ERCC6L2: variants seen among roughly 807,000 people sequenced by gnomAD.
ERCC6L2 encodes the protein DNA excision repair protein ERCC-6-like 2.
In ERCC6L2, 77 loss-of-function variants were observed where a neutral mutation model predicts 132.0. That is an observed-to-expected ratio of 0.58 (90% CI 0.49 to 0.71). ERCC6L2 has a LOEUF of 0.71. ERCC6L2 is among the 30% of genes least tolerant of loss of function. The pLI, the probability that ERCC6L2 is intolerant of heterozygous loss-of-function variation, is 0.00. For missense variants in ERCC6L2, 1,542 were observed against 1,837.6 expected, an observed-to-expected ratio of 0.84 and a Z score of 2.94; for synonymous variants, 583 against 632.4, an observed-to-expected ratio of 0.92 and a Z score of 1.17.
chr9:95,941,653 G>A (rs1830808095), intron 12 of ERCC6L2, 104 bp downstream of exon 12: 1 of 789,108 alleles, frequency 1.3e-6, no homozygotes, highest in Non-Finnish European at 2.1e-6. Flanking sequence ...TAGAAGAAAG[G>A]GGGAAACTGG....
intron 19 of ERCC6L2, among the ~76,000 whole-genome samples, chr9:96,028,136 G>T (rs1834407466): frequency 6.6e-6 from 1 of 152,088 alleles, no homozygotes; most frequent in East Asian, 1.9e-4. Flanking sequence ...CTTCCTGAAG[G>T]GTCACACACT....
chr9:95,891,081 G>A (rs1159810736), intron 2 of ERCC6L2, among the ~76,000 whole-genome samples: 2 of 152,096 alleles, frequency 1.3e-5, no homozygotes, highest in Non-Finnish European at 2.9e-5. Context: ...GCATGGTGGC[G>A]CATGCCTGTA....
In ERCC6L2 at chr9:95,972,277, T is replaced by C. The variant is rs1205326431; in HGVS notation, c.2526T>C (p.Ser842=). Reference sequence around the variant, plus strand: ...CTGGTTGTGAGAAAAATCAGGACTCTCTTGGTACTTCAAAACATCAGAAAT... The same window carrying C: ...CTGGTTGTGAGAAAAATCAGGACTCCCTTGGTACTTCAAAACATCAGAAAT... ...KDAGCEKNQD[S]LGTSKHQKLD... is the part of the protein sequence containing the mutation. The change falls in exon 16 of 19, where the codon TCT becomes TCC. Residue 842 remains serine (S), a synonymous_variant. Coordinates refer to ENST00000653738, the MANE Select transcript of ERCC6L2 (RefSeq NM_020207.7). 7.7e-7 allele frequency: 1 copy of C among 1,301,340 alleles called. No homozygotes were observed. The highest frequency in any genetic ancestry group is 1.2e-5 in the South Asian group (1 of 80,156). The allele number at this position is 1,301,340 out of a possible 1,614,324, so 80.6% of individuals were successfully genotyped here. A position where few individuals can be genotyped will look rare whatever the true frequency, so the allele number is the denominator to read the frequency against.
chr9:96,014,779 T>C lies in ERCC6L2; in HGVS notation c.*1576T>C, dbSNP rs1242141034. Among the ~76,000 whole-genome samples, 10 of 152,172 alleles carry C rather than the reference T, an allele frequency of 6.6e-5. No individual in the cohort carries two copies. Among genetic ancestry groups the C allele is most frequent in the Non-Finnish European group, 1.5e-4 (10 of 68,036 alleles). ...CTGAGTTGTGTCCAGACTTACCAGA[T>C]GGTATGTTTTGCCATTGAGGGGCCT... On this transcript the variant is annotated 3_prime_UTR_variant, in exon 19 of 19. Coordinates refer to ENST00000653738, the MANE Select transcript of ERCC6L2 (RefSeq NM_020207.7).
chr9:96,022,638 G>C (rs938083263), downstream of ERCC6L2, among the ~76,000 whole-genome samples: 5 of 152,188 alleles, frequency 3.3e-5, no homozygotes, highest in African/African-American at 7.2e-5. Context: ...AGCCGGGTCC[G>C]GGCCAGACGG....
chr9:95,935,055 A>G (rs1830496949), intron 11 of ERCC6L2, among the ~76,000 whole-genome samples: 1 of 152,332 alleles, frequency 6.6e-6, no homozygotes, highest in African/African-American at 2.4e-5. Context: ...AACTACTAAT[A>G]TCTTCATGGA....
At chr9:95,928,191 A>G (rs754690655) in intron 10 of ERCC6L2, 41 bp downstream of exon 10, 2 of 1,410,890 alleles carry the variant, frequency 1.4e-6, no homozygotes, top group African/African-American at 1.4e-5. Flanking sequence ...GCCAGCCTCA[A>G]CTTTTGAGGC....
chr9:95,919,350 TAAA>T (rs796365864), intron 6 of ERCC6L2, among the ~76,000 whole-genome samples: 1 of 152,168 alleles, frequency 6.6e-6, no homozygotes, highest in African/African-American at 2.4e-5. Context: ...ATTTTACAAA[TAAA>T]AAAATGTCAC....
At chr9:95,890,355 A>G (rs1828092215) in intron 2 of ERCC6L2, among the ~76,000 whole-genome samples, 1 of 152,194 alleles carries the variant, frequency 6.6e-6, no homozygotes, top group Non-Finnish European at 1.5e-5. Flanking sequence ...TGTTAATTAG[A>G]TATTCTTGCC....
chr9:95,878,649 TC>T (rs1256989833), intron 1 of ERCC6L2, among the ~76,000 whole-genome samples: 1 of 131,556 alleles, frequency 7.6e-6, no homozygotes, highest in African/African-American at 2.9e-5. Flanking sequence ...AAGCTATCCC[TC>T]CCCCCTTCCC....
intron 2 of ERCC6L2, among the ~76,000 whole-genome samples, chr9:95,886,740 A>G (rs1481777381): frequency 6.6e-6 from 1 of 152,222 alleles, no homozygotes; most frequent in Non-Finnish European, 1.5e-5. Context: ...AAGGATACAA[A>G]GTATTGATCT....
Position 95,875,865 on chromosome 9 carries a change from C to T in ERCC6L2, c.-174C>T, listed in dbSNP as rs1587823481. The stretch of plus-strand genomic sequence containing the variant: ...CTGCTTGGGTCCCCTTAGTCGCTAC[C>T]TTTGCTGGGATCCCCCTCCTCCATC... On this transcript the variant is annotated 5_prime_UTR_variant, in exon 1 of 19. Coordinates refer to ENST00000653738, the MANE Select transcript of ERCC6L2 (RefSeq NM_020207.7). 7.6e-6 allele frequency: 5 copies of T among 655,506 alleles called. No individual in the cohort carries two copies. Among genetic ancestry groups the T allele is most frequent in the Admixed American group, 2.7e-5 (1 of 36,592 alleles). 40.6% of individuals were successfully genotyped at this position (655,506 alleles called of 1,614,324 possible).
intron 18 of ERCC6L2, among the ~76,000 whole-genome samples, chr9:96,008,088 T>C (rs1833918755): frequency 6.6e-6 from 1 of 152,128 alleles, no homozygotes; most frequent in Non-Finnish European, 1.5e-5. Context: ...GCAACAAGGA[T>C]TTTTGCAGAG....
At position 96,017,503 on chromosome 9, in the gene ERCC6L2, G is replaced by A. The variant is rs1306815747; in HGVS notation, c.*4300G>A. On this transcript the variant is annotated 3_prime_UTR_variant, in exon 19 of 19. Transcript: ENST00000653738. ...GGCTTTTAAGCATGCACATGTCCAGGGTCCTCATCAAGAGACTGAATCAGG... is the reference window on the plus strand; with the variant it reads ...GGCTTTTAAGCATGCACATGTCCAGAGTCCTCATCAAGAGACTGAATCAGG... Among the ~76,000 whole-genome samples the A allele has an allele frequency of 6.6e-6, 1 of 152,158 alleles. No homozygotes were observed. Among genetic ancestry groups the A allele is most frequent in the Non-Finnish European group, 1.5e-5 (1 of 68,028 alleles).
chr9:95,932,826 C>A (rs1830397659), intron 11 of ERCC6L2, among the ~76,000 whole-genome samples: 1 of 152,178 alleles, frequency 6.6e-6, no homozygotes, highest in South Asian at 2.1e-4. Flanking sequence ...AGCCTGCATA[C>A]TCATTAAGTG....
At chr9:95,896,982 G>T (rs1224608825) in intron 2 of ERCC6L2, among the ~76,000 whole-genome samples, 1 of 151,802 alleles carries the variant, frequency 6.6e-6, no homozygotes, top group Non-Finnish European at 1.5e-5. Flanking sequence ...CAGATTATAG[G>T]TATCCACACC....
chr9:95,923,370 A>G lies in ERCC6L2; in HGVS notation c.1524A>G (p.Gly508=), dbSNP rs768560795. 2 of 1,612,938 alleles carry G rather than the reference A, an allele frequency of 1.2e-6. No homozygotes were observed. Among genetic ancestry groups the G allele is most frequent in the Admixed American group, 1.7e-5 (1 of 59,942 alleles). Residue 508 remains glycine, a synonymous_variant, in exon 9 of 19, where the codon GGA becomes GGG. Transcript: ENST00000653738. The part of the protein sequence containing the change: ...FETLSDPKYS[G]KMKVLQQLLN... ...CACTTTCTGACCCTAAATACAGTGG[A>G]AAAATGAAGGTAAGTGCTCCTCTTT...
intron 11 of ERCC6L2, among the ~76,000 whole-genome samples, chr9:95,930,887 C>A (rs563496374): frequency 6.6e-6 from 1 of 152,240 alleles, no homozygotes; most frequent in East Asian, 1.9e-4. Flanking sequence ...GTCACCTATA[C>A]ATATTATGTT....
intron 13 of ERCC6L2, among the ~76,000 whole-genome samples, chr9:95,958,864 A>C (rs1831753111): frequency 6.6e-6 from 1 of 152,080 alleles, no homozygotes; most frequent in South Asian, 2.1e-4. Context: ...ACCACTGCTC[A>C]ATGAAATAAA....
Sources: allele counts gnomAD v4.1 joint callset (sites outside exome capture counted in the v4.1 genomes callset), GRCh38; gene constraint gnomAD v4.1.1; transcripts MANE v1.5; gene names NCBI Gene and HGNC (gene_info 2026-07-23, HGNC 2026-07-21).